ZC4H2: variants seen among roughly 807,000 people sequenced by gnomAD.
ZC4H2 encodes zinc finger C4H2 domain-containing protein.
For synonymous variants in ZC4H2, 84 were observed against 66.3 expected (o/e 1.27, Z -1.30); for missense variants, 137 against 173.9 (o/e 0.79, Z 1.19).
chrX:65,008,271 C>T (rs1212598517), intron 1 of ZC4H2, among the ~76,000 whole-genome samples: 4 of 111,734 alleles, frequency 3.6e-5, no homozygotes, highest in African/African-American at 1.3e-4. Context: ...GATTTTGTCT[C>T]ACCCCAGTTA....
At chrX:64,937,957 G>C (rs767943509) in intron 1 of ZC4H2, among the ~76,000 whole-genome samples, 52 of 110,961 alleles carry the variant, frequency 4.7e-4, no homozygotes, top group Non-Finnish European at 3.2e-4. Flanking sequence ...AGGAGCTAGA[G>C]ACATGAAAAA....
At chrX:64,942,920 G>A (rs759055752) in intron 1 of ZC4H2, among the ~76,000 whole-genome samples, 1 of 111,857 alleles carries the variant, frequency 8.9e-6, no homozygotes, top group African/African-American at 3.2e-5. Context: ...TTTCACAAGG[G>A]TTGAACTAAT....
intron 1 of ZC4H2, among the ~76,000 whole-genome samples, chrX:64,992,793 C>A (rs939628207): frequency 9.0e-6 from 1 of 111,537 alleles, no homozygotes. Flanking sequence ...CTGCTTTTAC[C>A]GTCTGCTAAC....
chrX:64,982,983 G>A (rs1932112808), intron 1 of ZC4H2, among the ~76,000 whole-genome samples: 2 of 111,971 alleles, frequency 1.8e-5, no homozygotes, highest in Non-Finnish European at 3.8e-5. Context: ...CAGATTGGGA[G>A]AGGAGTGGGA....
chrX:64,940,220 T>C (rs1930208563), intron 1 of ZC4H2, among the ~76,000 whole-genome samples: 1 of 112,054 alleles, frequency 8.9e-6, no homozygotes, highest in African/African-American at 3.2e-5. Context: ...CTGAGAATTG[T>C]CTGTTCATAA....
intron 1 of ZC4H2, among the ~76,000 whole-genome samples, chrX:64,969,722 C>T (rs2147414015): frequency 8.9e-6 from 1 of 111,807 alleles, no homozygotes; most frequent in Admixed American, 9.4e-5. Flanking sequence ...TTTAAAAGCC[C>T]TTTAGGTGTA....
At chrX:65,012,278 AG>A (rs1312175788) in intron 1 of ZC4H2, among the ~76,000 whole-genome samples, 5 of 109,068 alleles carry the variant, frequency 4.6e-5, no homozygotes, top group Non-Finnish European at 7.6e-5. Context: ...AAAAGAGAAA[AG>A]AAAAAAAAGA....
intron 1 of ZC4H2, among the ~76,000 whole-genome samples, chrX:64,945,883 G>C (rs986083464): frequency 9.0e-6 from 1 of 110,917 alleles, no homozygotes; most frequent in Non-Finnish European, 1.9e-5. Flanking sequence ...ACACTGTGTG[G>C]GGAAAACCAC....
At chrX:65,026,755 T>C (rs1932883793) in intron 1 of ZC4H2, among the ~76,000 whole-genome samples, 1 of 111,159 alleles carries the variant, frequency 9.0e-6, no homozygotes, top group Non-Finnish European at 1.9e-5. Flanking sequence ...AGAAGTGTCT[T>C]ATGGAACCCA....
intron 1 of ZC4H2, among the ~76,000 whole-genome samples, chrX:64,936,016 A>C (rs922955843): frequency 3.6e-5 from 4 of 110,382 alleles, no homozygotes; most frequent in Non-Finnish European, 7.6e-5. Context: ...AAGGAAGCTA[A>C]GAACATTGAA....
chrX:64,932,412 C>T (rs1013541745), intron 1 of ZC4H2, among the ~76,000 whole-genome samples: 7 of 110,826 alleles, frequency 6.3e-5, no homozygotes, highest in Non-Finnish European at 1.1e-4. Context: ...GTAGTTGTTG[C>T]CTATATGTTT....
At chrX:64,987,544 G>GA (rs1306878770) in intron 1 of ZC4H2, among the ~76,000 whole-genome samples, 4 of 104,043 alleles carry the variant, frequency 3.8e-5, no homozygotes, top group East Asian at 3.0e-4. Context: ...TATCTGTTAG[G>GA]AAAAAAAAAT....
At chrX:64,950,045 G>A (rs1020785012) in intron 1 of ZC4H2, among the ~76,000 whole-genome samples, 3 of 111,764 alleles carry the variant, frequency 2.7e-5, no homozygotes, top group African/African-American at 9.8e-5. Context: ...CTGGTATGTT[G>A]TATCTTTGTT....
chrX:64,990,498 G>A (rs778135606), intron 1 of ZC4H2, among the ~76,000 whole-genome samples: 5 of 111,582 alleles, frequency 4.5e-5, no homozygotes, highest in African/African-American at 6.5e-5. Context: ...TCTGCAAGGG[G>A]TTACTATTGG....
chrX:65,007,482 T>C (rs960347162), intron 1 of ZC4H2, among the ~76,000 whole-genome samples: 1 of 112,560 alleles, frequency 8.9e-6, no homozygotes, highest in Non-Finnish European at 1.9e-5. Context: ...GGCACAGTCA[T>C]TTTTTAATTT....
intron 1 of ZC4H2, among the ~76,000 whole-genome samples, chrX:64,927,343 T>G (rs186127352): frequency 1.8e-5 from 2 of 110,531 alleles, no homozygotes; most frequent in African/African-American, 6.6e-5. Flanking sequence ...CATGTGTTCT[T>G]TTTGTTCAAC....
intron 1 of ZC4H2, among the ~76,000 whole-genome samples, chrX:64,991,947 C>T (rs1446910221): frequency 9.0e-6 from 1 of 111,556 alleles, no homozygotes; most frequent in Non-Finnish European, 1.9e-5. Context: ...TGATTCCATT[C>T]ATGTGAAATA....
intron 1 of ZC4H2, among the ~76,000 whole-genome samples, chrX:65,009,573 G>C (rs1932726010): frequency 8.9e-6 from 1 of 111,945 alleles, no homozygotes. Context: ...TCAGAGCATA[G>C]AAGGTTTGCT....
At chrX:64,988,549 G>A (rs1173221626) in intron 1 of ZC4H2, among the ~76,000 whole-genome samples, 21 of 110,409 alleles carry the variant, frequency 1.9e-4, no homozygotes, top group African/African-American at 6.6e-4. Context: ...AGAAGTGTCT[G>A]TTCATATCCT....
Sources: allele counts gnomAD v4.1 joint callset (sites outside exome capture counted in the v4.1 genomes callset), GRCh38; gene constraint gnomAD v4.1.1; transcripts MANE v1.5; gene names NCBI Gene and HGNC (gene_info 2026-07-23, HGNC 2026-07-21).